EPHX2: variants seen among roughly 807,000 people sequenced by gnomAD.
EPHX2 encodes the protein bifunctional epoxide hydrolase 2.
In EPHX2, 74 loss-of-function variants were observed where a neutral mutation model predicts 78.7. The observed-to-expected ratio is 0.94, with a 90% CI of 0.78 to 1.14. The LOEUF is 1.14. Ranked by LOEUF, EPHX2 falls within the 50% of genes most tolerant of loss-of-function variation. EPHX2 has a pLI of 0.00. For missense variants in EPHX2, 715 were observed against 702.5 expected, an observed-to-expected ratio of 1.02 and a Z score of -0.20; for synonymous variants, 251 against 255.2, an observed-to-expected ratio of 0.98 and a Z score of 0.16.
Position 27,501,364 on chromosome 8 carries a change from TTCTTCTTCTTCTTCTTCTTCTTC to T in EPHX2, c.186+356_186+378del, listed in dbSNP as rs1479899095. ...CTTCTTCTTCTTCTTCTTCTTCTTC[TTCTTCTTCTTCTTCTTCTTCTTC>T]TTCTTCTTTCTTCTTTCTTCTTTCT... On this transcript the variant is annotated intron_variant, in intron 2 of 18. Coordinates refer to ENST00000521400, the MANE Select transcript of EPHX2 (RefSeq NM_001979.6). Among the ~76,000 whole-genome samples, 18 of 132,722 alleles carry T rather than the reference TTCTTCTTCTTCTTCTTCTTCTTC, an allele frequency of 1.4e-4. 1 individual carries two copies. Among genetic ancestry groups the T allele is most frequent in the African/African-American group, 5.3e-4 (18 of 33,824 alleles). 87.1% of individuals were successfully genotyped at this position (132,722 alleles called of 152,430 possible).
chr8:27,529,875 C>T (rs7835093), intron 12 of EPHX2, among the ~76,000 whole-genome samples: 34,070 of 145,936 alleles, frequency 0.23, 4,834 homozygotes, highest in African/African-American at 0.41. Context: ...CGCAGTACTG[C>T]ACTCCAGCCT....
At chr8:27,501,382 T>TTCC (rs1813784915) in intron 2 of EPHX2, among the ~76,000 whole-genome samples, 1 of 114,460 alleles carries the variant, frequency 8.7e-6, no homozygotes, top group South Asian at 2.7e-4. Context: ...CTTCTTCTTC[T>TTCC]TCTTCTTCTT....
Position 27,491,290 on chromosome 8 carries a change from G to A in EPHX2, c.82G>A (p.Glu28Lys), listed in dbSNP as rs1813367708. 1.9e-6 allele frequency: 3 copies of A among 1,566,890 alleles called. No individual in the cohort carries two copies. Among genetic ancestry groups the A allele is most frequent in the Non-Finnish European group, 2.6e-6 (3 of 1,166,586 alleles). Reference protein sequence around the residue: ...AVFGVLGRTEEALALPRGLLN... With the variant: ...AVFGVLGRTEKALALPRGLLN... ...GTTCGGCGTCCTCGGCCGCACGGAG[G>A]AGGCCCTGGCGCTGCCCAGGTAAGG... The change falls in exon 1 of 19, where the codon GAG (glutamate) becomes AAG (lysine). Residue 28 changes from glutamate (E) to lysine (K), a missense_variant. By Grantham distance (56) the Glu-to-Lys change is moderately conservative. Coordinates refer to ENST00000521400, the MANE Select transcript of EPHX2 (RefSeq NM_001979.6).
chr8:27,491,364 G>A, intron 1 of EPHX2, 55 bp downstream of exon 1: 1 of 1,297,302 alleles, frequency 7.7e-7, no homozygotes, highest in Non-Finnish European at 1.0e-6. Context: ...GAGGCAGACC[G>A]CGCTGGGCTT....
intron 10 of EPHX2, among the ~76,000 whole-genome samples, chr8:27,521,839 G>A (rs1204102156): frequency 6.6e-6 from 1 of 152,182 alleles, no homozygotes; most frequent in Non-Finnish European, 1.5e-5. Flanking sequence ...CTGCCATCTA[G>A]GTTTCGCTCT....
intron 5 of EPHX2, among the ~76,000 whole-genome samples, chr8:27,507,486 C>T (rs1314401188): frequency 6.6e-6 from 1 of 152,142 alleles, no homozygotes; most frequent in Non-Finnish European, 1.5e-5. Flanking sequence ...TTAGCCTGCT[C>T]CTCCAGTTCT....
At chr8:27,516,512 G>T (rs924869181) in intron 8 of EPHX2, 114 bp downstream of exon 8, 8 of 975,924 alleles carry the variant, frequency 8.2e-6, no homozygotes, top group Non-Finnish European at 8.0e-6. Flanking sequence ...CCCCTTAAGA[G>T]AGTCTGACTT....
In EPHX2 at chr8:27,542,314, A is replaced by C. The variant is rs143127216; in HGVS notation, c.1449+772A>C. Among the ~76,000 whole-genome samples the C allele has an allele frequency of 1.8e-3, 271 of 152,284 alleles. 1 individual carries two copies. Among genetic ancestry groups the C allele is most frequent in the South Asian group, 0.015 (72 of 4,826 alleles). Reference sequence around the variant, plus strand: ...TGGTTAAGAGCAGGCTAGGAAGCACATGGGCTGAGTCTAATCCCTGTGTGA... The same window carrying C: ...TGGTTAAGAGCAGGCTAGGAAGCACCTGGGCTGAGTCTAATCCCTGTGTGA... On this transcript the variant is annotated intron_variant, in intron 16 of 18. Transcript: ENST00000521400.
intron 12 of EPHX2, among the ~76,000 whole-genome samples, chr8:27,530,766 T>C (rs577210206): frequency 3.0e-4 from 45 of 149,280 alleles, no homozygotes; most frequent in Non-Finnish European, 5.1e-4. Flanking sequence ...TTTTTTCTTT[T>C]TTTTTTTTTT....
intron 18 of EPHX2, 56 bp from the exon 19 acceptor site, chr8:27,544,388 A>G (rs1187672590): frequency 6.2e-7 from 1 of 1,603,548 alleles, no homozygotes; most frequent in Non-Finnish European, 8.5e-7. Flanking sequence ...TTGGCTGGGT[A>G]GGTGCAGACA....
At chr8:27,493,362 GTCC>G (rs1367581853) in intron 1 of EPHX2, among the ~76,000 whole-genome samples, 1 of 152,208 alleles carries the variant, frequency 6.6e-6, no homozygotes, top group Non-Finnish European at 1.5e-5. Context: ...AAGGTGCAAA[GTCC>G]TCCTTTCTCA....
At chr8:27,499,835 A>G (rs1813699979) in intron 1 of EPHX2, among the ~76,000 whole-genome samples, 1 of 148,138 alleles carries the variant, frequency 6.8e-6, no homozygotes, top group Non-Finnish European at 1.5e-5. Context: ...TGGCTTGTTA[A>G]CAGTGTTCTC....
chr8:27,496,539 GGGGTT>G (rs1813580575), intron 1 of EPHX2, among the ~76,000 whole-genome samples: 1 of 152,220 alleles, frequency 6.6e-6, no homozygotes, highest in African/African-American at 2.4e-5. Context: ...GCAGGGTATA[GGGGTT>G]GGGTATAGCT....
intron 6 of EPHX2, 187 bp downstream of exon 6, chr8:27,512,097 C>CAAT: frequency 1.4e-5 from 2 of 144,012 alleles, no homozygotes; most frequent in Non-Finnish European, 2.5e-5. Context: ...AACCCTGTCT[C>CAAT]AAGAAAAAAA....
intron 16 of EPHX2, among the ~76,000 whole-genome samples, chr8:27,541,765 GGAGCT>G (rs1208412326): frequency 6.6e-6 from 1 of 152,158 alleles, no homozygotes; most frequent in African/African-American, 2.4e-5. Context: ...CCTTGGGGAT[GGAGCT>G]GGGGTGTGTC....
Position 27,491,193 on chromosome 8 carries a change from C to A in EPHX2, c.-16C>A, listed in dbSNP as rs770423406. 2.0e-5 allele frequency: 32 copies of A among 1,567,084 alleles called. No individual in the cohort carries two copies. The African/African-American group carries it at 4.1e-4, about 20-fold the overall frequency. The stretch of plus-strand genomic sequence containing the variant: ...GTTAGCTGCGTGTCCGGGTGCTAGG[C>A]TGCAGACCCGCCGCCATGACGCTGC... On this transcript the variant is annotated 5_prime_UTR_variant, in exon 1 of 19. The change creates a new upstream start codon in the 5' untranslated region. Transcript: ENST00000521400.
intron 12 of EPHX2, among the ~76,000 whole-genome samples, chr8:27,531,840 G>C (rs750423002): frequency 1.2e-4 from 19 of 152,238 alleles, no homozygotes; most frequent in Admixed American, 2.6e-4. Flanking sequence ...GATGGTGGAG[G>C]GGAGCTCTCC....
At chr8:27,504,854 G>A in intron 3 of EPHX2, 102 bp from the exon 4 acceptor site, 1 of 1,241,748 alleles carries the variant, frequency 8.1e-7, no homozygotes, top group Non-Finnish European at 1.1e-6. Context: ...ATAAAAGTGA[G>A]CACAACCTGC....
chr8:27,514,387 C>G (rs1374560739), intron 6 of EPHX2, among the ~76,000 whole-genome samples: 1 of 152,166 alleles, frequency 6.6e-6, no homozygotes, highest in South Asian at 2.1e-4. Context: ...AATTGTTCCA[C>G]GTGAATTTCT....
Sources: gnomAD v4.1 joint callset for allele counts (sites outside exome capture counted in the v4.1 genomes callset) on GRCh38, gnomAD v4.1.1 for gene constraint, MANE v1.5 for transcripts, NCBI Gene and HGNC (gene_info 2026-07-23, HGNC 2026-07-21) for gene names.